ATP9A: variants seen among roughly 807,000 people sequenced by gnomAD.
ATP9A encodes the protein probable phospholipid-transporting ATPase IIA.
A neutral mutation model predicts 144.1 loss-of-function variants in ATP9A; 52 were observed. The ratio of observed to expected loss-of-function variants is 0.36; its 90% CI spans 0.29 to 0.45. ATP9A has a LOEUF of 0.45. Ranked by LOEUF, ATP9A falls within the 20% of genes least tolerant of loss-of-function variation. The pLI, the probability that ATP9A is intolerant of heterozygous loss-of-function variation, is 1.00. For missense variants in ATP9A, 947 were observed against 1,392.7 expected (o/e 0.68, Z 5.09); for synonymous variants, 582 against 557.4 (o/e 1.04, Z -0.62).
intron 4 of ATP9A, among the ~76,000 whole-genome samples, chr20:51,700,596 C>G (rs925198880): frequency 2.6e-5 from 4 of 152,108 alleles, no homozygotes; most frequent in African/African-American, 9.7e-5. Flanking sequence ...TTTGGGAGGC[C>G]GAGGCGGGCG....
intron 22 of ATP9A, among the ~76,000 whole-genome samples, chr20:51,616,397 C>A (rs2077203038): frequency 6.6e-6 from 1 of 152,220 alleles, no homozygotes; most frequent in African/African-American, 2.4e-5. Context: ...CGATTCACTG[C>A]AACCTCCACC....
At chr20:51,731,317 A>T (rs957374409) in intron 1 of ATP9A, among the ~76,000 whole-genome samples, 5 of 151,900 alleles carry the variant, frequency 3.3e-5, no homozygotes, top group Admixed American at 6.6e-5. Flanking sequence ...AAATAAATAA[A>T]AATAATAATA....
rs1490385478 is a variant in ATP9A at position 51,599,759 on chromosome 20, C to T, written c.*1452G>A. 1 of 152,198 alleles carries T rather than the reference C, an allele frequency of 6.6e-6. No homozygotes were observed. Among genetic ancestry groups the T allele is most frequent in the African/African-American group, 2.4e-5 (1 of 41,438 alleles). 9.4% of individuals were successfully genotyped at this position (152,198 alleles called of 1,614,324 possible). ...GGCTGTGATGTACATCTCTGAAGCA[C>T]ACAGAAGTAGCGCCAGGCAGAGGGT... On this transcript the variant is annotated 3_prime_UTR_variant, in exon 28 of 28. Coordinates refer to ENST00000338821, the MANE Select transcript of ATP9A (RefSeq NM_006045.3).
At chr20:51,713,934 G>A (rs2077650696) in intron 3 of ATP9A, among the ~76,000 whole-genome samples, 1 of 152,154 alleles carries the variant, frequency 6.6e-6, no homozygotes, top group Non-Finnish European at 1.5e-5. Flanking sequence ...GTTTGTTGGA[G>A]TCTCACTCTG....
chr20:51,753,924 C>G (rs1349862107), intron 1 of ATP9A, among the ~76,000 whole-genome samples: 2 of 151,658 alleles, frequency 1.3e-5, no homozygotes, highest in East Asian at 3.9e-4. Context: ...CCACCCACCT[C>G]AGCCTCCCAA....
At chr20:51,739,634 C>T (rs1260825732) in intron 1 of ATP9A, among the ~76,000 whole-genome samples, 1 of 152,142 alleles carries the variant, frequency 6.6e-6, no homozygotes, top group Admixed American at 6.6e-5. Flanking sequence ...TCAATTTCCT[C>T]CATCTTCTTT....
intron 9 of ATP9A, among the ~76,000 whole-genome samples, chr20:51,681,858 G>C (rs1453976572): frequency 5.3e-5 from 8 of 152,174 alleles, no homozygotes; most frequent in Middle Eastern, 3.2e-3. Flanking sequence ...ATGAAAAGGA[G>C]GACGGAAGGA....
rs1398799870 is a variant in ATP9A, at chr20:51,689,238, C to T, written c.724-99G>A. On this transcript the variant is annotated intron_variant, in intron 8 of 27. Coordinates refer to ENST00000338821, the MANE Select transcript of ATP9A (RefSeq NM_006045.3). ...TCCGCTGGAGATAGAAAGACAGGCT[C>T]CCCCCGATGAACCTGGAAGCCCAGT... 5 of 1,227,914 alleles carry T rather than the reference C, an allele frequency of 4.1e-6. No individual in the cohort carries two copies. The African/African-American group carries it at 4.5e-5, about 11-fold the overall frequency. The allele number at this position is 1,227,914 out of a possible 1,614,324, so 76.1% of individuals were successfully genotyped here.
chr20:51,606,998 A>T (rs894560700), intron 26 of ATP9A, among the ~76,000 whole-genome samples: 10 of 150,450 alleles, frequency 6.6e-5, no homozygotes, highest in Non-Finnish European at 1.2e-4. Flanking sequence ...GATTCTGGGC[A>T]TGGTGGCTTT....
intron 1 of ATP9A, among the ~76,000 whole-genome samples, chr20:51,730,285 G>A (rs2077734951): frequency 6.6e-6 from 1 of 152,104 alleles, no homozygotes; most frequent in Admixed American, 6.5e-5. Flanking sequence ...TGGCTGACAT[G>A]GTGAAATCTC....
chr20:51,664,150 G>C (rs1023169740), intron 13 of ATP9A, among the ~76,000 whole-genome samples: 2 of 152,026 alleles, frequency 1.3e-5, no homozygotes, highest in Non-Finnish European at 2.9e-5. Context: ...GAGTAGCTGG[G>C]ATTACAGGCA....
Position 51,601,676 on chromosome 20 carries a change from C to T in ATP9A, c.3008-329G>A, listed in dbSNP as rs188292681. On this transcript the variant is annotated intron_variant, in intron 27 of 27. Coordinates refer to ENST00000338821, the MANE Select transcript of ATP9A (RefSeq NM_006045.3). ...ATCCCAGCACTCTGGGAGGCCAAGG[C>T]GGGCAGAAGAATTGAACCCAGGAGT... 5.5e-4 allele frequency among the ~76,000 whole-genome samples: 83 copies of T among 152,276 alleles called. 1 individual carries two copies. Among genetic ancestry groups the T allele is most frequent in the Admixed American group, 5.9e-4 (9 of 15,294 alleles).
At chr20:51,657,255 C>T (rs1262119526) in intron 13 of ATP9A, 105 bp from the exon 14 acceptor site, 4 of 870,112 alleles carry the variant, frequency 4.6e-6, no homozygotes, top group Non-Finnish European at 7.1e-6. Flanking sequence ...ACTGTTCCAA[C>T]ACACAGAACC....
intron 7 of ATP9A, among the ~76,000 whole-genome samples, chr20:51,691,557 C>T (rs564549056): frequency 2.0e-4 from 31 of 152,286 alleles, no homozygotes; most frequent in African/African-American, 6.5e-4. Flanking sequence ...AAAGTAAGAA[C>T]GCCTCCCACC....
At chr20:51,653,842 T>C (rs1161569844) in intron 14 of ATP9A, among the ~76,000 whole-genome samples, 1 of 151,896 alleles carries the variant, frequency 6.6e-6, no homozygotes, top group Non-Finnish European at 1.5e-5. Flanking sequence ...GAAGGATCAC[T>C]TGAGGTCAGG....
rs1351916899 is a variant in ATP9A, at chr20:51,615,221, A to G, written c.2416-1389T>C. Among the ~76,000 whole-genome samples the G allele has an allele frequency of 4.6e-5, 7 of 152,340 alleles. No individual in the cohort carries two copies. In the South Asian group the frequency reaches 6.2e-4, roughly 14 times the overall value. Reference sequence around the variant, plus strand: ...CATACAATTTACTTTCTACTGATTCAAAGAAAGAAAGATAATGTAGCAAAT... The same window carrying G: ...CATACAATTTACTTTCTACTGATTCGAAGAAAGAAAGATAATGTAGCAAAT... On this transcript the variant is annotated intron_variant, in intron 22 of 27. Transcript: ENST00000338821.
intron 23 of ATP9A, among the ~76,000 whole-genome samples, 197 bp from the exon 24 acceptor site, chr20:51,610,362 T>C (rs1254805891): frequency 6.6e-6 from 1 of 152,174 alleles, no homozygotes; most frequent in Non-Finnish European, 1.5e-5. Context: ...ATCATCCTCA[T>C]TATGCAAAGC....
intron 14 of ATP9A, among the ~76,000 whole-genome samples, chr20:51,649,682 A>C (rs2077355675): frequency 1.3e-5 from 2 of 152,210 alleles, no homozygotes; most frequent in Admixed American, 1.3e-4. Context: ...TGGGAGGCCA[A>C]GGCGGGCAGA....
chr20:51,682,568 T>A (rs2077504319), intron 9 of ATP9A, among the ~76,000 whole-genome samples: 1 of 145,598 alleles, frequency 6.9e-6, no homozygotes, highest in Non-Finnish European at 1.5e-5. Context: ...GTGTTGCTTT[T>A]CACTGTATCT....
Sources: gnomAD v4.1 joint callset for allele counts (sites outside exome capture counted in the v4.1 genomes callset) on GRCh38, gnomAD v4.1.1 for gene constraint, MANE v1.5 for transcripts, NCBI Gene and HGNC (gene_info 2026-07-23, HGNC 2026-07-21) for gene names.